INPP5A: variants seen among roughly 807,000 people sequenced by gnomAD.
INPP5A encodes the protein 43 kDa inositol polyphosphate 5-phophatase.
A neutral mutation model predicts 65.2 loss-of-function variants in INPP5A; 14 were observed. The ratio of observed to expected loss-of-function variants is 0.21; its 90% CI spans 0.14 to 0.34. INPP5A has a LOEUF of 0.34. INPP5A is among the 10% of genes least tolerant of loss of function. The pLI is 1.00. For missense variants in INPP5A, 431 were observed against 545.6 expected, an observed-to-expected ratio of 0.79 and a Z score of 2.09; for synonymous variants, 207 against 208.3, an observed-to-expected ratio of 0.99 and a Z score of 0.05.
intron 9 of INPP5A, among the ~76,000 whole-genome samples, chr10:132,728,420 C>T (rs963006585): frequency 3.9e-5 from 6 of 152,246 alleles, no homozygotes; most frequent in African/African-American, 7.2e-5. Flanking sequence ...TCCATGTCCC[C>T]GCGTCCGAGG....
chr10:132,765,983 AGTGT>A (rs1489028652), intron 12 of INPP5A, 137 bp downstream of exon 12: 3 of 671,782 alleles, frequency 4.5e-6, no homozygotes, highest in South Asian at 3.4e-5. Context: ...GTGCATCCAG[AGTGT>A]GTGTACCATA....
Position 132,617,486 on chromosome 10 carries a change from G to T in INPP5A, c.117+9530G>T, listed in dbSNP as rs73399396. ...CGGTGGAGGACCCCTTTCCCAGAGG[G>T]AAGGTCTCCTGTGAGCCACACCTGA... On this transcript the variant is annotated intron_variant, in intron 2 of 15. Coordinates refer to ENST00000368594, the MANE Select transcript of INPP5A (RefSeq NM_005539.5). Among the ~76,000 whole-genome samples, 434 of 152,324 alleles carry T rather than the reference G, an allele frequency of 2.8e-3. 2 individuals carry two copies. Among genetic ancestry groups the T allele is most frequent in the African/African-American group, 1.0e-2 (415 of 41,576 alleles).
chr10:132,537,997 C>G lies in INPP5A; in HGVS notation c.-100C>G. On this transcript the variant is annotated 5_prime_UTR_variant, in exon 1 of 16. Transcript: ENST00000368594. Reference sequence around the variant, plus strand: ...GCCCCGGGGCCGCCCCCCGGCGCAGCTGACGCCCCGCGGCCCCGCGAAGAC... The same window carrying G: ...GCCCCGGGGCCGCCCCCCGGCGCAGGTGACGCCCCGCGGCCCCGCGAAGAC... 1 of 445,190 alleles carries G rather than the reference C, an allele frequency of 2.2e-6. No homozygotes were observed. The highest frequency in any genetic ancestry group is 8.7e-5 in the South Asian group (1 of 11,474). The allele number at this position is 445,190 out of a possible 1,614,324, so 27.6% of individuals were successfully genotyped here.
At chr10:132,752,554 A>G (rs1590984794) in intron 11 of INPP5A, among the ~76,000 whole-genome samples, 2 of 79,694 alleles carry the variant, frequency 2.5e-5, no homozygotes, top group African/African-American at 5.1e-5. Flanking sequence ...CGTGGCGAGG[A>G]GGTGTGGCGT....
intron 6 of INPP5A, among the ~76,000 whole-genome samples, chr10:132,703,063 C>T (rs1439014584): frequency 1.3e-5 from 2 of 152,144 alleles, no homozygotes; most frequent in African/African-American, 4.8e-5. Context: ...TGGGTGCCCC[C>T]CACCCTTCGG....
intron 2 of INPP5A, among the ~76,000 whole-genome samples, chr10:132,625,459 G>A (rs147174267): frequency 3.8e-4 from 58 of 152,314 alleles, no homozygotes; most frequent in African/African-American, 1.2e-3. Context: ...CAGGATTCCA[G>A]TGAAAGCAGT....
chr10:132,633,193 G>A (rs938119298), intron 2 of INPP5A, among the ~76,000 whole-genome samples: 10 of 152,274 alleles, frequency 6.6e-5, no homozygotes, highest in Non-Finnish European at 1.0e-4. Context: ...GTGAGCTCCC[G>A]GACCTCAGCC....
At chr10:132,585,128 A>G (rs1284687233) in intron 1 of INPP5A, among the ~76,000 whole-genome samples, 1 of 152,194 alleles carries the variant, frequency 6.6e-6, no homozygotes, top group East Asian at 1.9e-4. Context: ...TGGGGAAGCA[A>G]TTTTAAAATT....
At chr10:132,649,719 C>G (rs1415071885) in intron 3 of INPP5A, among the ~76,000 whole-genome samples, 7 of 152,176 alleles carry the variant, frequency 4.6e-5, no homozygotes, top group African/African-American at 1.7e-4. Context: ...GATGGACTGT[C>G]TCTGTGGAGG....
chr10:132,593,888 C>T (rs938071151), intron 1 of INPP5A, among the ~76,000 whole-genome samples: 1 of 152,158 alleles, frequency 6.6e-6, no homozygotes, highest in African/African-American at 2.4e-5. Context: ...AACTGGAATT[C>T]TTTAAGTTTG....
intron 12 of INPP5A, among the ~76,000 whole-genome samples, chr10:132,776,844 G>T (rs1847072739): frequency 6.6e-6 from 1 of 152,168 alleles, no homozygotes; most frequent in Admixed American, 6.5e-5. Context: ...TGGCCATGAG[G>T]CTCCAGGCTG....
chr10:132,630,530 T>A (rs748112783), intron 2 of INPP5A, among the ~76,000 whole-genome samples: 1 of 139,024 alleles, frequency 7.2e-6, no homozygotes, highest in African/African-American at 2.7e-5. Context: ...AGGGAAAGGC[T>A]TTCATGAGGG....
chr10:132,633,575 A>C (rs1293569596), intron 2 of INPP5A, among the ~76,000 whole-genome samples: 3 of 152,146 alleles, frequency 2.0e-5, no homozygotes, highest in Non-Finnish European at 4.4e-5. Flanking sequence ...TTTCAAGCTG[A>C]ATCCCCAAGC....
intron 9 of INPP5A, among the ~76,000 whole-genome samples, chr10:132,729,156 G>A (rs1201138384): frequency 6.6e-6 from 1 of 152,200 alleles, no homozygotes; most frequent in Non-Finnish European, 1.5e-5. Context: ...TCCTTTTTCT[G>A]CTGAGCAGAA....
intron 2 of INPP5A, among the ~76,000 whole-genome samples, chr10:132,643,238 A>G (rs1413082834): frequency 6.6e-6 from 1 of 152,204 alleles, no homozygotes; most frequent in African/African-American, 2.4e-5. Context: ...GCACAAAATA[A>G]ACCTAAACAC....
At chr10:132,658,715 T>C (rs981235235) in intron 4 of INPP5A, among the ~76,000 whole-genome samples, 20 of 151,994 alleles carry the variant, frequency 1.3e-4, no homozygotes, top group African/African-American at 4.8e-4. Context: ...ACGGATGCTC[T>C]AGGCCCTCTG....
chr10:132,740,823 C>T (rs1169534778), intron 9 of INPP5A, among the ~76,000 whole-genome samples: 11 of 152,192 alleles, frequency 7.2e-5, no homozygotes, highest in Admixed American at 1.3e-4. Context: ...GAGAGCCACT[C>T]GCAGGGTCCA....
In INPP5A at chr10:132,663,103, T is replaced by C. The variant is rs1216237802; in HGVS notation, c.306+12598T>C. Reference sequence around the variant, plus strand: ...CGAACGGACTGTGCACACCACTGTGTGTCTCACAACTCAGGCAACTCGGCA... The same window carrying C: ...CGAACGGACTGTGCACACCACTGTGCGTCTCACAACTCAGGCAACTCGGCA... On this transcript the variant is annotated intron_variant, in intron 4 of 15. Coordinates refer to ENST00000368594, the MANE Select transcript of INPP5A (RefSeq NM_005539.5). The surrounding 1 kb of genome is among the most constrained non-coding windows in gnomAD (Gnocchi z 4.5). 6.6e-6 allele frequency among the ~76,000 whole-genome samples: 1 copy of C among 152,240 alleles called. No homozygotes were observed. The highest frequency in any genetic ancestry group is 1.9e-4 in the East Asian group (1 of 5,204).
chr10:132,694,449 G>A (rs1341293969), intron 5 of INPP5A, among the ~76,000 whole-genome samples: 2 of 152,100 alleles, frequency 1.3e-5, no homozygotes, highest in African/African-American at 4.8e-5. Flanking sequence ...AAGAAGAAAG[G>A]AAGAAAGAGC....
Sources: gnomAD v4.1 joint callset for allele counts (sites outside exome capture counted in the v4.1 genomes callset) on GRCh38, gnomAD v4.1.1 for gene constraint, Gnocchi (gnomAD v3.1) non-coding constraint, MANE v1.5 for transcripts, NCBI Gene and HGNC (gene_info 2026-07-23, HGNC 2026-07-21) for gene names.